IL12RB2: variants seen among roughly 807,000 people sequenced by gnomAD.
IL12RB2 encodes the protein interleukin-12 receptor subunit beta-2.
Under a neutral mutation model 89.4 loss-of-function variants are expected in IL12RB2, and 82 were observed. The ratio of observed to expected loss-of-function variants is 0.92; its 90% CI spans 0.77 to 1.10. The LOEUF is 1.10. Among genes scored for constraint, IL12RB2 ranks in the 50% least tolerant of loss-of-function variants. The pLI, the probability that IL12RB2 is intolerant of heterozygous loss-of-function variation, is 0.00. For synonymous variants in IL12RB2, 368 were observed against 370.1 expected (o/e 0.99, Z 0.07); for missense variants, 963 against 1,031.9 (o/e 0.93, Z 0.92).
chr1:67,362,363 G>T (rs1236991428), intron 10 of IL12RB2, among the ~76,000 whole-genome samples: 1 of 148,872 alleles, frequency 6.7e-6, no homozygotes, highest in African/African-American at 2.5e-5. Flanking sequence ...TCAGGAGATC[G>T]AGACCATCCT....
Position 67,329,865 on chromosome 1 carries a change from A to G in IL12RB2, c.807+136A>G, listed in dbSNP as rs1657828915. 3 of 724,244 alleles carry G rather than the reference A, an allele frequency of 4.1e-6. No homozygotes were observed. In the East Asian group the frequency reaches 7.9e-5, roughly 19 times the overall value. The allele number at this position is 724,244 out of a possible 1,614,324, so 44.9% of individuals were successfully genotyped here. A position where few individuals can be genotyped will look rare whatever the true frequency, so the allele number is the denominator to read the frequency against. On this transcript the variant is annotated intron_variant, in intron 7 of 16. Coordinates refer to ENST00000674203, the MANE Select transcript of IL12RB2 (RefSeq NM_001374259.2). ...AAGTACACACGAGAGAATTATCAGAAAGTCATGTATGCCTCTGTTGATTAA... is the reference window on the plus strand; with the variant it reads ...AAGTACACACGAGAGAATTATCAGAGAGTCATGTATGCCTCTGTTGATTAA...
At chr1:67,385,961 A>G (rs1200644714) in intron 14 of IL12RB2, among the ~76,000 whole-genome samples, 1 of 152,180 alleles carries the variant, frequency 6.6e-6, no homozygotes, top group African/African-American at 2.4e-5. Context: ...CTGTAATCCC[A>G]GCACTTTGGG....
In IL12RB2 at chr1:67,367,878, C is replaced by A; in HGVS notation, c.1312C>A (p.Leu438Met). 6.2e-7 allele frequency: 1 copy of A among 1,609,850 alleles called. No homozygotes were observed. The highest frequency in any genetic ancestry group is 8.5e-7 in the Non-Finnish European group (1 of 1,176,024). ...SANSEGMDNI[L>M]VTWQPPRKDP... Reference sequence around the variant, plus strand: ...AAACTCAGAGGGCATGGACAACATTCTGGTGACTTGGCAGCCTCCCAGGAA... The same window carrying A: ...AAACTCAGAGGGCATGGACAACATTATGGTGACTTGGCAGCCTCCCAGGAA... The change falls in exon 11 of 17, where the codon CTG (leucine) becomes ATG (methionine). Residue 438 changes from leucine to methionine, a missense_variant. Physicochemically the swap from Leu to Met is conservative, Grantham distance 15. Coordinates refer to ENST00000674203, the MANE Select transcript of IL12RB2 (RefSeq NM_001374259.2).
intron 9 of IL12RB2, among the ~76,000 whole-genome samples, chr1:67,345,598 T>A (rs1418920747): frequency 6.6e-6 from 1 of 152,234 alleles, no homozygotes; most frequent in Non-Finnish European, 1.5e-5. Context: ...GGCATTTATA[T>A]AATTATAGGA....
At chr1:67,348,391 C>T (rs761369628) in intron 9 of IL12RB2, among the ~76,000 whole-genome samples, 15 of 152,156 alleles carry the variant, frequency 9.9e-5, no homozygotes, top group Non-Finnish European at 2.2e-4. Flanking sequence ...GGGAGCAGCA[C>T]GTCATAACAG....
intron 10 of IL12RB2, among the ~76,000 whole-genome samples, chr1:67,355,165 G>C (rs1291740085): frequency 2.6e-5 from 4 of 152,144 alleles, no homozygotes; most frequent in African/African-American, 7.2e-5. Context: ...TGTAATCCCA[G>C]GACTTTGGGA....
chr1:67,310,304 T>C (rs1295542218), intron 1 of IL12RB2, among the ~76,000 whole-genome samples: 1 of 151,708 alleles, frequency 6.6e-6, no homozygotes, highest in Non-Finnish European at 1.5e-5. Flanking sequence ...TTTGTTTTTG[T>C]TTTCCAAATA....
At chr1:67,389,881 GGAT>G in intron 15 of IL12RB2, 145 bp from the exon 16 acceptor site, 5 of 661,244 alleles carry the variant, frequency 7.6e-6, no homozygotes, top group Non-Finnish European at 1.4e-5. Context: ...CCGTAGTCTT[GGAT>G]GATAAATCAT....
intron 9 of IL12RB2, among the ~76,000 whole-genome samples, chr1:67,347,225 G>A (rs1011836533): frequency 6.6e-6 from 1 of 152,166 alleles, no homozygotes; most frequent in African/African-American, 2.4e-5. Context: ...TAAAAGCTGT[G>A]ATTAATAGTG....
intron 10 of IL12RB2, among the ~76,000 whole-genome samples, chr1:67,365,745 T>C (rs1361798230): frequency 6.6e-6 from 1 of 152,140 alleles, no homozygotes. Flanking sequence ...AAAAAAAACC[T>C]TTTGTTGGAT....
At chr1:67,355,292 T>C (rs1018208062) in intron 10 of IL12RB2, among the ~76,000 whole-genome samples, 2 of 151,974 alleles carry the variant, frequency 1.3e-5, no homozygotes, top group Non-Finnish European at 2.9e-5. Context: ...TGTGCGCCTG[T>C]AGTCCCAGCT....
chr1:67,367,721 C>T, intron 10 of IL12RB2, 104 bp from the exon 11 acceptor site: 2 of 776,062 alleles, frequency 2.6e-6, no homozygotes, highest in Non-Finnish European at 2.4e-6. Flanking sequence ...ACAGATTCTT[C>T]CTAAAACTTT....
At chr1:67,316,454 T>TG (rs1655783230) in intron 2 of IL12RB2, among the ~76,000 whole-genome samples, 1 of 95,870 alleles carries the variant, frequency 1.0e-5, no homozygotes, top group African/African-American at 3.8e-5. Flanking sequence ...GTGTGTGTGT[T>TG]AATGTCACTC....
At chr1:67,333,415 C>G (rs1658354224) in intron 8 of IL12RB2, among the ~76,000 whole-genome samples, 1 of 135,044 alleles carries the variant, frequency 7.4e-6, no homozygotes, top group Admixed American at 7.9e-5. Context: ...TTTAGGTACT[C>G]TCTAAAACTG....
At chr1:67,378,326 T>C (rs1664195013) in intron 13 of IL12RB2, among the ~76,000 whole-genome samples, 1 of 152,166 alleles carries the variant, frequency 6.6e-6, no homozygotes, top group Non-Finnish European at 1.5e-5. Context: ...TCATGTTTCT[T>C]AGATTAAAAA....
chr1:67,318,300 A>G (rs1169386050), intron 2 of IL12RB2, among the ~76,000 whole-genome samples: 1 of 152,174 alleles, frequency 6.6e-6, no homozygotes, highest in Non-Finnish European at 1.5e-5. Flanking sequence ...ATATTTTTCT[A>G]ACAGCAGTAG....
intron 1 of IL12RB2, among the ~76,000 whole-genome samples, chr1:67,312,641 A>C (rs1445703962): frequency 1.3e-5 from 2 of 151,906 alleles, no homozygotes; most frequent in Non-Finnish European, 2.9e-5. Context: ...AAAAATAGGA[A>C]AAGAAGAGAG....
chr1:67,328,179 G>C (rs371386740), intron 5 of IL12RB2, 21 bp from the exon 6 acceptor site: 33 of 1,518,856 alleles, frequency 2.2e-5, no homozygotes, highest in African/African-American at 2.7e-5. Flanking sequence ...GTTGCTACAC[G>C]TGGTTGTGTT....
At chr1:67,325,305 C>G (rs1657139342) in intron 4 of IL12RB2, among the ~76,000 whole-genome samples, 1 of 152,208 alleles carries the variant, frequency 6.6e-6, no homozygotes, top group African/African-American at 2.4e-5. Context: ...CTCTGTCACC[C>G]AGGCTGGAGT....
Sources: allele counts gnomAD v4.1 joint callset (sites outside exome capture counted in the v4.1 genomes callset), GRCh38; gene constraint gnomAD v4.1.1; transcripts MANE v1.5; gene names NCBI Gene and HGNC (gene_info 2026-07-23, HGNC 2026-07-21).